The following ENPP1 variants were observed in gnomAD, a reference collection of about 807,000 sequenced individuals.
ENPP1 encodes ectonucleotide pyrophosphatase/phosphodiesterase 1.
Under a neutral mutation model 122.8 loss-of-function variants are expected in ENPP1, and 73 were observed. That is an observed-to-expected ratio of 0.59 (90% confidence interval 0.49 to 0.72). ENPP1 has a LOEUF of 0.72. Ranked by LOEUF, ENPP1 falls within the 30% of genes least tolerant of loss-of-function variation. ENPP1 has a pLI of 0.00. For missense variants in ENPP1, 978 were observed against 1,128.1 expected, an observed-to-expected ratio of 0.87 and a Z score of 1.91; for synonymous variants, 367 against 391.6, an observed-to-expected ratio of 0.94 and a Z score of 0.74.
At chr6:131,876,636 A>G (rs554789153) in intron 17 of ENPP1, among the ~76,000 whole-genome samples, 26 of 152,354 alleles carry the variant, frequency 1.7e-4, no homozygotes, top group African/African-American at 5.8e-4. Context: ...AAACACTTTG[A>G]TTACTCATCT....
At chr6:131,811,376 A>ATATCTATATCTATATCTATATC (rs1407442478) in intron 1 of ENPP1, among the ~76,000 whole-genome samples, 18 of 131,280 alleles carry the variant, frequency 1.4e-4, no homozygotes, top group Non-Finnish European at 2.2e-4. Context: ...ATCTATATCT[A>ATATCTATATCTATATCTATATC]TATATCTATA....
rs753064316 is a variant in ENPP1, at chr6:131,861,734, G to C, written c.1025+30G>C. ...GTGAAATGAATTTTTTCTAGGATCT[G>C]TAATATAGAACAGCTTATTCTTATG... On this transcript the variant is annotated intron_variant, in intron 9 of 24. Transcript: ENST00000647893. 3.3e-6 allele frequency: 4 copies of C among 1,203,884 alleles called. No homozygotes were observed. The South Asian group carries it at 4.8e-5, about 15-fold the overall frequency. 74.6% of individuals were successfully genotyped at this position (1,203,884 alleles called of 1,614,324 possible). A position where few individuals can be genotyped will look rare whatever the true frequency, so the allele number is the denominator to read the frequency against.
chr6:131,876,928 C>G, intron 17 of ENPP1, 64 bp from the exon 18 acceptor site: 2 of 1,480,130 alleles, frequency 1.4e-6, no homozygotes, highest in Non-Finnish European at 1.9e-6. Context: ...AAGATCATGG[C>G]ACAAGTCTAC....
rs554102693 is a variant in ENPP1 at position 131,884,909 on chromosome 6, A to G, written c.2312-22A>G. ...TGGTCCCTTGTTCTTTTGAAACTACACTGGCTTCTATCTTGTTTCAGTTAT... is the reference window on the plus strand; with the variant it reads ...TGGTCCCTTGTTCTTTTGAAACTACGCTGGCTTCTATCTTGTTTCAGTTAT... On this transcript the variant is annotated intron_variant, in intron 22 of 24. Transcript: ENST00000647893. 10 of 1,613,842 alleles carry G rather than the reference A, an allele frequency of 6.2e-6. No homozygotes were observed. In the East Asian group the frequency reaches 1.6e-4, roughly 25 times the overall value.
rs768853397 is a variant in ENPP1, at chr6:131,851,100, A to C, written c.431-42A>C. 3 of 1,611,010 alleles carry C rather than the reference A, an allele frequency of 1.9e-6. No homozygotes were observed. In the South Asian group the frequency reaches 3.3e-5, roughly 18 times the overall value. On this transcript the variant is annotated intron_variant, in intron 3 of 24. Coordinates refer to ENST00000647893, the MANE Select transcript of ENPP1 (RefSeq NM_006208.3). Reference sequence around the variant, plus strand: ...TTCTGTGTTCACTTTGGACATGTTGAATTTGAGACATAAAACACATTTTGC... The same window carrying C: ...TTCTGTGTTCACTTTGGACATGTTGCATTTGAGACATAAAACACATTTTGC...
chr6:131,876,451 A>G (rs1370332676), intron 17 of ENPP1, among the ~76,000 whole-genome samples: 1 of 152,228 alleles, frequency 6.6e-6, no homozygotes, highest in Non-Finnish European at 1.5e-5. Flanking sequence ...GTGGGAGTCT[A>G]TATAGTTTAA....
At chr6:131,877,866 A>AAAAAAAATATAT (rs1562183349) in intron 18 of ENPP1, 16 of 53,024 alleles carry the variant, frequency 3.0e-4, no homozygotes, top group South Asian at 9.1e-4. Context: ...AAAAAAAAAA[A>AAAAAAAATATAT]ATATATATAT....
intron 1 of ENPP1, among the ~76,000 whole-genome samples, chr6:131,834,489 A>G (rs973694961): frequency 6.6e-6 from 1 of 151,584 alleles, no homozygotes; most frequent in Non-Finnish European, 1.5e-5. Context: ...CCTGTGTTCA[A>G]CCAAGAATCT....
intron 23 of ENPP1, among the ~76,000 whole-genome samples, chr6:131,885,933 T>C (rs751975579): frequency 6.6e-6 from 1 of 152,232 alleles, no homozygotes; most frequent in Non-Finnish European, 1.5e-5. Flanking sequence ...ATTATGTTTC[T>C]ACATAAGGTC....
At chr6:131,872,124 A>G in intron 14 of ENPP1, 23 bp downstream of exon 14, 1 of 1,516,052 alleles carries the variant, frequency 6.6e-7, no homozygotes, top group Non-Finnish European at 9.1e-7. Context: ...ATTTTCCATT[A>G]TCTAGTTATT....
chr6:131,872,882 T>C, intron 14 of ENPP1, 41 bp from the exon 15 acceptor site: 1 of 1,606,808 alleles, frequency 6.2e-7, no homozygotes, highest in Non-Finnish European at 8.5e-7. Flanking sequence ...TTTTTAGATA[T>C]TAGGGAAATA....
intron 1 of ENPP1, among the ~76,000 whole-genome samples, chr6:131,838,856 T>A (rs1018587472): frequency 1.3e-5 from 2 of 152,080 alleles, no homozygotes; most frequent in Admixed American, 1.3e-4. Context: ...ACCATATGTT[T>A]GAAAAGGTAG....
intron 1 of ENPP1, among the ~76,000 whole-genome samples, chr6:131,817,188 A>G (rs1245960713): frequency 6.6e-6 from 1 of 152,150 alleles, no homozygotes; most frequent in Non-Finnish European, 1.5e-5. Flanking sequence ...TTTTATCTAC[A>G]GATTTTTATC....
chr6:131,873,809 T>C (rs1320570876), intron 15 of ENPP1, among the ~76,000 whole-genome samples: 2 of 152,084 alleles, frequency 1.3e-5, no homozygotes, highest in Non-Finnish European at 1.5e-5. Context: ...GGGCTTTTAG[T>C]TTTCAAAAAA....
intron 12 of ENPP1, among the ~76,000 whole-genome samples, chr6:131,868,467 T>C (rs1473470711): frequency 6.6e-6 from 1 of 152,200 alleles, no homozygotes; most frequent in Non-Finnish European, 1.5e-5. Flanking sequence ...TTTGAGACAG[T>C]CTCATTCTGT....
chr6:131,849,920 G>C, intron 2 of ENPP1, 70 bp from the exon 3 acceptor site: 1 of 1,108,916 alleles, frequency 9.0e-7, no homozygotes, highest in South Asian at 1.2e-5. Context: ...TAACTTAGTT[G>C]TATTCGTTGA....
chr6:131,860,509 G>T lies in ENPP1; in HGVS notation c.915+3G>T. 1 of 1,589,340 alleles carries T rather than the reference G, an allele frequency of 6.3e-7. No individual in the cohort carries two copies. The highest frequency in any genetic ancestry group is 8.6e-7 in the Non-Finnish European group (1 of 1,159,320). ...CTGAGTGGTACAAAGGAGAACCAGT[G>T]AGTTCTTTGTTTTTCTACTAAAATA... is the stretch of plus-strand genomic sequence containing the variant. On this transcript the variant is annotated splice_donor_region_variant and intron_variant, in intron 8 of 24. Transcript: ENST00000647893.
chr6:131,811,434 A>G (rs368195947), intron 1 of ENPP1, among the ~76,000 whole-genome samples: 2 of 147,888 alleles, frequency 1.4e-5, no homozygotes, highest in African/African-American at 2.6e-5. Flanking sequence ...CTATATCTAT[A>G]TATATGTAGA....
chr6:131,833,725 T>C (rs1227199983), intron 1 of ENPP1, among the ~76,000 whole-genome samples: 1 of 152,216 alleles, frequency 6.6e-6, no homozygotes, highest in Non-Finnish European at 1.5e-5. Flanking sequence ...TCTCAATAGA[T>C]TGCTTTTCTT....
Sources: gnomAD v4.1 joint callset for allele counts (sites outside exome capture counted in the v4.1 genomes callset) on GRCh38, gnomAD v4.1.1 for gene constraint, MANE v1.5 for transcripts, NCBI Gene and HGNC (gene_info 2026-07-23, HGNC 2026-07-21) for gene names.